FHIT: variants seen among roughly 807,000 people sequenced by gnomAD.
The protein encoded by FHIT is fragile histidine triad diadenosine triphosphatase, also known as bis(5'-adenosyl)-triphosphatase.
In FHIT, 19 loss-of-function variants were observed where a neutral mutation model predicts 17.9. The observed-to-expected ratio is 1.06, with a 90% CI of 0.74 to 1.56. FHIT has a LOEUF of 1.56. Ranked by LOEUF, FHIT falls within the 40% of genes most tolerant of loss-of-function variation. The probability of loss-of-function intolerance (pLI) is 0.00; values close to 1 mark genes in which losing one functional copy is unlikely to be tolerated. For missense variants in FHIT, 248 were observed against 189.2 expected (o/e 1.31, Z -1.82); for synonymous variants, 81 against 69.7 (o/e 1.16, Z -0.81).
chr3:60,101,792 C>A (rs965803913), intron 5 of FHIT, among the ~76,000 whole-genome samples: 2 of 152,180 alleles, frequency 1.3e-5, no homozygotes, highest in Non-Finnish European at 1.5e-5. Flanking sequence ...GGGCCCCTGC[C>A]ATCCTTTCCA....
intron 2 of FHIT, among the ~76,000 whole-genome samples, chr3:61,091,523 C>T (rs891082895): frequency 1.3e-5 from 2 of 152,120 alleles, no homozygotes; most frequent in African/African-American, 2.4e-5. Context: ...ATCAAATCAA[C>T]GTATTAGTTA....
chr3:59,882,232 A>G (rs642214), intron 8 of FHIT, among the ~76,000 whole-genome samples: 146,246 of 152,182 alleles, frequency 0.96, 70,328 homozygotes, highest in East Asian at 1. Flanking sequence ...AGATATGGAA[A>G]ACAAAACATT....
chr3:59,763,045 C>G (rs998601665), intron 8 of FHIT, among the ~76,000 whole-genome samples: 8 of 152,118 alleles, frequency 5.3e-5, no homozygotes, highest in African/African-American at 4.8e-5. Context: ...CTTTTTCCCC[C>G]CCGCCGGTGT....
intron 8 of FHIT, among the ~76,000 whole-genome samples, chr3:59,813,006 C>T (rs1010595649): frequency 2.6e-5 from 4 of 152,108 alleles, no homozygotes; most frequent in South Asian, 2.1e-4. Flanking sequence ...GTCCTAATCA[C>T]GCTTGCAAGC....
chr3:60,752,395 C>T (rs1392968935), intron 4 of FHIT, among the ~76,000 whole-genome samples: 2 of 152,134 alleles, frequency 1.3e-5, no homozygotes, highest in South Asian at 2.1e-4. Context: ...CGATTTTTCA[C>T]AGGGAGCTCA....
At chr3:61,177,410 C>G (rs2038193869) in intron 2 of FHIT, among the ~76,000 whole-genome samples, 1 of 151,934 alleles carries the variant, frequency 6.6e-6, no homozygotes, top group Non-Finnish European at 1.5e-5. Flanking sequence ...AGTTTTCAAT[C>G]TATAAAAAAA....
intron 3 of FHIT, among the ~76,000 whole-genome samples, chr3:61,005,550 C>T (rs1415834294): frequency 3.9e-5 from 6 of 152,086 alleles, no homozygotes; most frequent in Admixed American, 3.9e-4. Context: ...ACTTCTGCAA[C>T]AGACACGAAG....
At chr3:60,257,891 C>A (rs545349070) in intron 5 of FHIT, among the ~76,000 whole-genome samples, 2 of 151,888 alleles carry the variant, frequency 1.3e-5, no homozygotes, top group Non-Finnish European at 2.9e-5. Context: ...TAAGGCCTGT[C>A]GGAGGGTCAA....
At chr3:60,259,290 T>A (rs1445895731) in intron 5 of FHIT, among the ~76,000 whole-genome samples, 2 of 152,152 alleles carry the variant, frequency 1.3e-5, no homozygotes, top group African/African-American at 4.8e-5. Flanking sequence ...CAATCTTTCT[T>A]TCAACAAATG....
intron 5 of FHIT, among the ~76,000 whole-genome samples, chr3:60,498,059 A>G (rs2034373876): frequency 6.6e-6 from 1 of 152,250 alleles, no homozygotes; most frequent in Non-Finnish European, 1.5e-5. Flanking sequence ...TAGAGGATAC[A>G]TAAAGGAACA....
chr3:60,848,975 C>G (rs1370069952), intron 3 of FHIT, among the ~76,000 whole-genome samples: 4 of 152,036 alleles, frequency 2.6e-5, no homozygotes, highest in Admixed American at 2.6e-4. Context: ...AATAGGTAAT[C>G]AGTTATAAAT....
At chr3:60,649,050 A>T (rs1368832167) in intron 4 of FHIT, among the ~76,000 whole-genome samples, 1 of 152,244 alleles carries the variant, frequency 6.6e-6, no homozygotes, top group Admixed American at 6.5e-5. Context: ...TTCCATTTTC[A>T]TAAAATTCTC....
chr3:60,146,879 G>A (rs911024783), intron 5 of FHIT, among the ~76,000 whole-genome samples: 1 of 152,174 alleles, frequency 6.6e-6, no homozygotes, highest in African/African-American at 2.4e-5. Context: ...AATGTGTTTT[G>A]AAGAAAAATA....
At chr3:60,405,943 A>G (rs950081417) in intron 5 of FHIT, among the ~76,000 whole-genome samples, 4 of 152,148 alleles carry the variant, frequency 2.6e-5, no homozygotes, top group African/African-American at 9.7e-5. Flanking sequence ...ACAATAATCA[A>G]CCACTTCTTA....
chr3:59,943,033 A>G (rs1575737445), intron 7 of FHIT, among the ~76,000 whole-genome samples: 2 of 152,236 alleles, frequency 1.3e-5, no homozygotes. Flanking sequence ...TGCTGAACCC[A>G]TTATTTTGAG....
At chr3:59,864,651 A>G (rs1282735540) in intron 8 of FHIT, among the ~76,000 whole-genome samples, 1 of 151,574 alleles carries the variant, frequency 6.6e-6, no homozygotes, top group African/African-American at 2.4e-5. Context: ...CACGACTTGC[A>G]GTTTCTTTGT....
chr3:61,149,972 C>A (rs920754124), intron 2 of FHIT, among the ~76,000 whole-genome samples: 1 of 152,182 alleles, frequency 6.6e-6, no homozygotes, highest in African/African-American at 2.4e-5. Flanking sequence ...GTACACTAGT[C>A]AAGTGTCACC....
chr3:60,113,897 G>T (rs1704799473), intron 5 of FHIT, among the ~76,000 whole-genome samples: 1 of 146,342 alleles, frequency 6.8e-6, no homozygotes, highest in South Asian at 2.2e-4. Context: ...AGCTACTGGG[G>T]TGGCTGAGGC....
chr3:59,861,035 T>G (rs1036811288), intron 8 of FHIT, among the ~76,000 whole-genome samples: 2 of 151,940 alleles, frequency 1.3e-5, no homozygotes, highest in African/African-American at 4.8e-5. Flanking sequence ...CAAAGCTCTG[T>G]GGAGGACGTG....
Sources: gnomAD v4.1 joint callset for allele counts (sites outside exome capture counted in the v4.1 genomes callset) on GRCh38, gnomAD v4.1.1 for gene constraint, MANE v1.5 for transcripts, NCBI Gene and HGNC (gene_info 2026-07-23, HGNC 2026-07-21) for gene names.